Variants in LSAMP observed in about 807,000 individuals in gnomAD.
LSAMP encodes the protein limbic system associated membrane protein.
In LSAMP, 7 loss-of-function variants were observed where a neutral mutation model predicts 38.6. The observed-to-expected ratio is 0.18, with a 90% CI of 0.10 to 0.34. LSAMP has a LOEUF of 0.34. Among genes scored for constraint, LSAMP ranks in the 10% least tolerant of loss-of-function variants. The pLI is 1.00. For synonymous variants in LSAMP, 154 were observed against 166.8 expected, an observed-to-expected ratio of 0.92 and a Z score of 0.59; for missense variants, 313 against 420.0, an observed-to-expected ratio of 0.75 and a Z score of 2.23.
intron 2 of LSAMP, among the ~76,000 whole-genome samples, chr3:116,035,319 G>C (rs979612296): frequency 1.3e-5 from 2 of 152,132 alleles, no homozygotes; most frequent in African/African-American, 4.8e-5. Flanking sequence ...CTTTCTCTCT[G>C]TTTCAATCAG....
In LSAMP at chr3:116,297,627, AT is replaced by A. The variant is rs1353096507; in HGVS notation, c.155+147249del. ...TCCTACATTTCAATCCATTTACCTTATTTTTGTCAGTCTTATCCTGGAAATG... is the reference window on the plus strand; with the variant it reads ...TCCTACATTTCAATCCATTTACCTTATTTTGTCAGTCTTATCCTGGAAATG... On this transcript the variant is annotated intron_variant, in intron 1 of 6. Coordinates refer to ENST00000490035, the MANE Select transcript of LSAMP (RefSeq NM_002338.5). Among the ~76,000 whole-genome samples the A allele has an allele frequency of 8.5e-5, 13 of 152,240 alleles. No homozygotes were observed. The East Asian group carries it at 2.1e-3, about 25-fold the overall frequency.
At chr3:116,165,039 A>AT (rs1318415565) in intron 1 of LSAMP, among the ~76,000 whole-genome samples, 1 of 152,184 alleles carries the variant, frequency 6.6e-6, no homozygotes, top group Non-Finnish European at 1.5e-5. Context: ...TGATGTAAAC[A>AT]TTCACTAAAT....
At chr3:116,300,249 A>T in intron 1 of LSAMP, among the ~76,000 whole-genome samples, 1 of 152,254 alleles carries the variant, frequency 6.6e-6, no homozygotes, top group East Asian at 1.9e-4. Context: ...GTGCAGCAGC[A>T]TCGTGCTGCA....
intron 3 of LSAMP, among the ~76,000 whole-genome samples, chr3:115,998,976 T>G (rs190729841): frequency 7.9e-5 from 12 of 152,220 alleles, no homozygotes; most frequent in Non-Finnish European, 1.5e-4. Flanking sequence ...GGAGGAAGAA[T>G]GAAAGACCCA....
intron 2 of LSAMP, among the ~76,000 whole-genome samples, chr3:116,060,734 T>G (rs2107747494): frequency 6.6e-6 from 1 of 152,230 alleles, no homozygotes; most frequent in South Asian, 2.1e-4. Context: ...TACTCCAGCC[T>G]GGGCAACAAG....
chr3:116,252,854 C>A (rs1376556958), intron 1 of LSAMP, among the ~76,000 whole-genome samples: 2 of 152,154 alleles, frequency 1.3e-5, no homozygotes, highest in Non-Finnish European at 2.9e-5. Context: ...CCAACTCTGA[C>A]CCCCATTGTC....
chr3:116,192,085 A>T (rs1006261551), intron 1 of LSAMP, among the ~76,000 whole-genome samples: 1 of 152,208 alleles, frequency 6.6e-6, no homozygotes, highest in African/African-American at 2.4e-5. Context: ...TATTACAGCA[A>T]TGTATTATTC....
intron 1 of LSAMP, among the ~76,000 whole-genome samples, chr3:116,335,673 T>A (rs960660814): frequency 3.9e-5 from 6 of 152,078 alleles, no homozygotes; most frequent in Non-Finnish European, 1.5e-5. Flanking sequence ...AAGGCAAACA[T>A]GCGTTTGTCA....
chr3:116,206,565 A>G (rs2107600175), intron 1 of LSAMP, among the ~76,000 whole-genome samples: 1 of 125,660 alleles, frequency 8.0e-6, no homozygotes, highest in Non-Finnish European at 1.7e-5. Flanking sequence ...CCCTCTACAC[A>G]CTGCTTTGAA....
At chr3:115,948,668 A>G (rs543010772) in intron 3 of LSAMP, among the ~76,000 whole-genome samples, 1 of 152,336 alleles carries the variant, frequency 6.6e-6, no homozygotes, top group East Asian at 1.9e-4. Context: ...AAATGCCTAC[A>G]TCAAAAAGTC....
intron 2 of LSAMP, among the ~76,000 whole-genome samples, chr3:116,045,755 T>C (rs1173535462): frequency 6.6e-6 from 1 of 152,214 alleles, no homozygotes; most frequent in Non-Finnish European, 1.5e-5. Flanking sequence ...ATAACAGGCC[T>C]TGTTTTAAGA....
At chr3:116,319,451 C>T (rs181576019) in intron 1 of LSAMP, among the ~76,000 whole-genome samples, 85 of 152,234 alleles carry the variant, frequency 5.6e-4, no homozygotes, top group African/African-American at 1.9e-3. Flanking sequence ...ATATTATATA[C>T]GGAAATCTAA....
intron 3 of LSAMP, among the ~76,000 whole-genome samples, chr3:116,010,464 T>G (rs1005900430): frequency 2.6e-5 from 4 of 152,178 alleles, no homozygotes; most frequent in African/African-American, 4.8e-5. Flanking sequence ...GCTGCTTTCA[T>G]GAGGAAAATA....
intron 2 of LSAMP, among the ~76,000 whole-genome samples, chr3:116,046,209 T>G (rs1008504163): frequency 6.6e-6 from 1 of 152,216 alleles, no homozygotes; most frequent in African/African-American, 2.4e-5. Context: ...CATTCTGGGC[T>G]ACATTGCCTT....
At chr3:115,891,930 T>G (rs1936610501) in intron 3 of LSAMP, among the ~76,000 whole-genome samples, 1 of 151,906 alleles carries the variant, frequency 6.6e-6, no homozygotes, top group Non-Finnish European at 1.5e-5. Flanking sequence ...TCACAGTCGG[T>G]TCTTTGAATA....
chr3:115,930,712 G>A (rs1010633869), intron 3 of LSAMP, among the ~76,000 whole-genome samples: 4 of 152,096 alleles, frequency 2.6e-5, no homozygotes, highest in Admixed American at 6.5e-5. Flanking sequence ...AAAGCACTTC[G>A]TTAGTGGTCA....
chr3:116,089,275 G>T (rs1224484401), intron 1 of LSAMP, among the ~76,000 whole-genome samples: 2 of 152,084 alleles, frequency 1.3e-5, no homozygotes, highest in Non-Finnish European at 2.9e-5. Context: ...TTTTGATCTG[G>T]GTTTTATCCG....
intron 1 of LSAMP, among the ~76,000 whole-genome samples, chr3:116,375,725 T>G (rs1274585907): frequency 2.0e-5 from 3 of 151,926 alleles, no homozygotes; most frequent in Non-Finnish European, 2.9e-5. Flanking sequence ...AAAATCATCC[T>G]GAAATTAAAT....
At chr3:116,232,194 G>A (rs2046409489) in intron 1 of LSAMP, among the ~76,000 whole-genome samples, 1 of 152,136 alleles carries the variant, frequency 6.6e-6, no homozygotes, top group Non-Finnish European at 1.5e-5. Flanking sequence ...AGGCTGGAGA[G>A]CCTCCAAACA....
Sources: allele counts gnomAD v4.1 joint callset (sites outside exome capture counted in the v4.1 genomes callset), GRCh38; gene constraint gnomAD v4.1.1; transcripts MANE v1.5; gene names NCBI Gene and HGNC (gene_info 2026-07-23, HGNC 2026-07-21).